Variants in NFATC3 observed in about 807,000 individuals in gnomAD.
NFATC3 encodes the protein nuclear factor of activated T cells 3, also known as nuclear factor of activated T-cells, cytoplasmic 3.
A neutral mutation model predicts 98.6 loss-of-function variants in NFATC3; 46 were observed. The observed-to-expected ratio is 0.47, with a 90% CI of 0.37 to 0.60. NFATC3 has a LOEUF of 0.60. Ranked by LOEUF, NFATC3 falls within the 20% of genes least tolerant of loss-of-function variation. The pLI, the probability that NFATC3 is intolerant of heterozygous loss-of-function variation, is 0.00. For missense variants in NFATC3, 1,256 were observed against 1,295.5 expected (o/e 0.97, Z 0.47); for synonymous variants, 512 against 472.2 (o/e 1.08, Z -1.09).
chr16:68,138,726 C>A (rs1567516475), intron 3 of NFATC3: 1 of 1,288,882 alleles, frequency 7.8e-7, no homozygotes, highest in South Asian at 1.2e-5. Context: ...CCTGGCTGGG[C>A]AGCCTTTCCT....
chr16:68,129,751 A>G (rs2037025406), intron 3 of NFATC3, among the ~76,000 whole-genome samples: 1 of 149,200 alleles, frequency 6.7e-6, no homozygotes, highest in Non-Finnish European at 1.5e-5. Context: ...GATCATACCT[A>G]ACTGCAGTCT....
Position 68,191,348 on chromosome 16 carries a change from T to A in NFATC3, c.2679T>A (p.Ser893=), listed in dbSNP as rs149848278. ...GYHCSNTGQR[S]LSSPVADQIT... ...ATTGTTCAAATACAGGACAAAGATC[T>A]CTTTCTTCTCCAGTGGCTGACCAGA... The change falls in exon 9 of 10, where the codon TCT becomes TCA. Residue 893 remains serine (S), a synonymous_variant. Coordinates refer to ENST00000346183, the MANE Select transcript of NFATC3 (RefSeq NM_173165.3). 1.2e-6 allele frequency: 2 copies of A among 1,614,060 alleles called. No homozygotes were observed. The highest frequency in any genetic ancestry group is 2.7e-5 in the African/African-American group (2 of 74,914).
Position 68,085,916 on chromosome 16 carries a change from G to C in NFATC3, c.103+132G>C, listed in dbSNP as rs2151431706. 5 of 650,052 alleles carry C rather than the reference G, an allele frequency of 7.7e-6. No homozygotes were observed. In the South Asian group the frequency reaches 1.3e-4, roughly 17 times the overall value. 40.3% of individuals were successfully genotyped at this position (650,052 alleles called of 1,614,324 possible). A position where few individuals can be genotyped will look rare whatever the true frequency, so the allele number is the denominator to read the frequency against. On this transcript the variant is annotated intron_variant, in intron 1 of 9. Coordinates refer to ENST00000346183, the MANE Select transcript of NFATC3 (RefSeq NM_173165.3). ...TGTGTGTGTGCGCGCGCGTGTGTGTGGTGAGTTAAAAACGGATTTAAATCG... is the reference window on the plus strand; with the variant it reads ...TGTGTGTGTGCGCGCGCGTGTGTGTCGTGAGTTAAAAACGGATTTAAATCG...
At chr16:68,150,749 C>T (rs1416996446) in intron 3 of NFATC3, among the ~76,000 whole-genome samples, 6 of 152,166 alleles carry the variant, frequency 3.9e-5, no homozygotes, top group Non-Finnish European at 5.9e-5. Flanking sequence ...ATAATTCCCA[C>T]GTGTGAAGGG....
At position 68,226,614 on chromosome 16, in the gene NFATC3, C is replaced by A; in HGVS notation, c.*143C>A. 2 of 959,082 alleles carry A rather than the reference C, an allele frequency of 2.1e-6. No homozygotes were observed. The highest frequency in any genetic ancestry group is 2.9e-6 in the Non-Finnish European group (2 of 688,122). The allele number at this position is 959,082 out of a possible 1,614,324, so 59.4% of individuals were successfully genotyped here. On this transcript the variant is annotated 3_prime_UTR_variant, in exon 10 of 10. Transcript: ENST00000346183. ...TGTGGGGAAAGTAGCATTCCTCCAC[C>A]TCAGGCCTTGGGTAGATTTGGCAAA...
At chr16:68,106,626 A>G (rs761326994) in intron 1 of NFATC3, among the ~76,000 whole-genome samples, 5 of 151,542 alleles carry the variant, frequency 3.3e-5, no homozygotes, top group Non-Finnish European at 2.9e-5. Flanking sequence ...GGGTTTCACC[A>G]TGTTGGCTGG....
intron 9 of NFATC3, among the ~76,000 whole-genome samples, chr16:68,204,347 G>A (rs2041052846): frequency 6.6e-6 from 1 of 152,220 alleles, no homozygotes. Context: ...GGGCAGCAGA[G>A]TGATACTCTG....
chr16:68,096,248 G>C (rs2035015317), intron 1 of NFATC3, among the ~76,000 whole-genome samples: 1 of 152,154 alleles, frequency 6.6e-6, no homozygotes, highest in African/African-American at 2.4e-5. Flanking sequence ...TTACAGGTGT[G>C]AGCCACCATG....
At chr16:68,130,523 G>T (rs373668433) in intron 3 of NFATC3, among the ~76,000 whole-genome samples, 10 of 152,216 alleles carry the variant, frequency 6.6e-5, no homozygotes, top group African/African-American at 1.9e-4. Context: ...CTGTTGAGTT[G>T]TTTGAGTACC....
chr16:68,151,851 C>G (rs560481009), intron 3 of NFATC3, among the ~76,000 whole-genome samples: 12 of 150,136 alleles, frequency 8.0e-5, no homozygotes, highest in African/African-American at 2.7e-4. Flanking sequence ...GGTGGATCAC[C>G]GGAGGCCAGA....
intron 1 of NFATC3, among the ~76,000 whole-genome samples, chr16:68,093,281 C>T (rs1428674326): frequency 6.6e-6 from 1 of 152,054 alleles, no homozygotes; most frequent in East Asian, 1.9e-4. Context: ...ATTCTAGATT[C>T]ATTTCTGTTG....
At chr16:68,224,257 C>T (rs1412671254) in intron 9 of NFATC3, among the ~76,000 whole-genome samples, 4 of 150,850 alleles carry the variant, frequency 2.7e-5, no homozygotes, top group Non-Finnish European at 5.9e-5. Flanking sequence ...TCAGTACTAA[C>T]CACAGCTAAG....
chr16:68,100,050 G>A (rs930500944), intron 1 of NFATC3, among the ~76,000 whole-genome samples: 1 of 152,102 alleles, frequency 6.6e-6, no homozygotes, highest in Non-Finnish European at 1.5e-5. Context: ...TATATTAATA[G>A]TTTGTTCTGT....
chr16:68,214,442 G>A (rs113660423), intron 9 of NFATC3: 5 of 1,609,462 alleles, frequency 3.1e-6, no homozygotes, highest in African/African-American at 1.3e-5. Context: ...GGTGAGTGTT[G>A]ATTGAAATGT....
chr16:68,174,936 G>C (rs190378955), intron 6 of NFATC3, among the ~76,000 whole-genome samples: 1 of 152,106 alleles, frequency 6.6e-6, no homozygotes, highest in Non-Finnish European at 1.5e-5. Flanking sequence ...TACTTGAAAG[G>C]GTTAGAAATA....
chr16:68,121,247 T>TTTTC (rs2036563471), intron 1 of NFATC3, among the ~76,000 whole-genome samples: 14 of 137,246 alleles, frequency 1.0e-4, no homozygotes, highest in Admixed American at 1.5e-4. Context: ...CTTTTCTTTT[T>TTTTC]TTTTTTTTTT....
At chr16:68,101,667 TAG>T in intron 1 of NFATC3, among the ~76,000 whole-genome samples, 1 of 151,940 alleles carries the variant, frequency 6.6e-6, no homozygotes, top group Middle Eastern at 3.4e-3. Flanking sequence ...GTATTTTTGA[TAG>T]AGATGGGGTT....
At chr16:68,100,974 C>T (rs2035318888) in intron 1 of NFATC3, among the ~76,000 whole-genome samples, 1 of 151,626 alleles carries the variant, frequency 6.6e-6, no homozygotes, top group Non-Finnish European at 1.5e-5. Flanking sequence ...GAGTTTCTCT[C>T]AATCTGTGAT....
At chr16:68,221,453 A>G in intron 9 of NFATC3, 1 of 1,331,328 alleles carries the variant, frequency 7.5e-7, no homozygotes, top group Non-Finnish European at 9.6e-7. Flanking sequence ...GCTCACCTGT[A>G]GCAATTACTT....
Sources: gnomAD v4.1 joint callset for allele counts (sites outside exome capture counted in the v4.1 genomes callset) on GRCh38, gnomAD v4.1.1 for gene constraint, MANE v1.5 for transcripts, NCBI Gene and HGNC (gene_info 2026-07-23, HGNC 2026-07-21) for gene names.